Variants in GARRE1 observed in about 807,000 individuals in gnomAD.
GARRE1 encodes granule associated Rac and RHOG effector 1, also known as granule associated Rac and RHOG effector protein 1.
Under a neutral mutation model 103.2 loss-of-function variants are expected in GARRE1, and 49 were observed. The observed-to-expected ratio is 0.47, with a 90% CI of 0.38 to 0.60. GARRE1 has a LOEUF of 0.60. Ranked by LOEUF, GARRE1 falls within the 20% of genes least tolerant of loss-of-function variation. GARRE1 has a pLI of 0.00. For missense variants in GARRE1, 1,199 were observed against 1,370.5 expected (o/e 0.87, Z 1.98); for synonymous variants, 505 against 532.8 (o/e 0.95, Z 0.72).
At chr19:34,339,335 ATTATAT>A (rs1467890602) in intron 8 of GARRE1, among the ~76,000 whole-genome samples, 1 of 152,220 alleles carries the variant, frequency 6.6e-6, no homozygotes, top group East Asian at 1.9e-4. Flanking sequence ...AAAACATTTA[ATTATAT>A]TTAAGGTTTA....
At chr19:34,293,739 C>CACAT (rs1386164279) in intron 1 of GARRE1, among the ~76,000 whole-genome samples, 1 of 134,992 alleles carries the variant, frequency 7.4e-6, no homozygotes, top group Non-Finnish European at 1.6e-5. Flanking sequence ...CACACACACA[C>CACAT]ACACATATTT....
At chr19:34,346,807 G>A (rs565483041) in intron 10 of GARRE1, among the ~76,000 whole-genome samples, 39 of 152,170 alleles carry the variant, frequency 2.6e-4, no homozygotes, top group Non-Finnish European at 4.4e-4. Flanking sequence ...TAGTAGAGAC[G>A]GGGTTTCACC....
chr19:34,262,287 CTTT>C (rs1018456778), intron 1 of GARRE1, among the ~76,000 whole-genome samples: 22 of 35,752 alleles, frequency 6.2e-4, no homozygotes, highest in Middle Eastern at 0.045. Context: ...CCAGCTGCTG[CTTT>C]TTTTTTTTTT....
intron 1 of GARRE1, among the ~76,000 whole-genome samples, chr19:34,263,826 T>C (rs1403546871): frequency 6.6e-6 from 1 of 152,188 alleles, no homozygotes; most frequent in Non-Finnish European, 1.5e-5. Context: ...AATAAATGTC[T>C]ATGATGGACA....
intron 13 of GARRE1, among the ~76,000 whole-genome samples, 175 bp from the exon 14 acceptor site, chr19:34,352,472 C>T (rs1289260505): frequency 2.6e-5 from 4 of 151,546 alleles, no homozygotes; most frequent in Admixed American, 6.6e-5. Flanking sequence ...CATACTAGAC[C>T]GTATAGGCAC....
intron 1 of GARRE1, among the ~76,000 whole-genome samples, chr19:34,278,974 T>G (rs1223697848): frequency 6.6e-6 from 1 of 152,152 alleles, no homozygotes; most frequent in Non-Finnish European, 1.5e-5. Context: ...CAGCCTTTCT[T>G]CCTTTTTAAT....
intron 1 of GARRE1, among the ~76,000 whole-genome samples, chr19:34,259,710 A>G (rs2073703229): frequency 6.6e-6 from 1 of 152,010 alleles, no homozygotes; most frequent in South Asian, 2.1e-4. Flanking sequence ...ATGAGGGGAC[A>G]TGAGGAGCCA....
intron 8 of GARRE1, among the ~76,000 whole-genome samples, chr19:34,338,666 A>G (rs550971227): frequency 1.2e-4 from 19 of 152,324 alleles, no homozygotes; most frequent in Admixed American, 2.6e-4. Context: ...AGCAAGAGCA[A>G]AGGTCCTGAG....
At chr19:34,264,118 C>G (rs1887571237) in intron 1 of GARRE1, among the ~76,000 whole-genome samples, 1 of 152,192 alleles carries the variant, frequency 6.6e-6, no homozygotes, top group African/African-American at 2.4e-5. Flanking sequence ...GCCTCTGTCT[C>G]TGATGCTCCC....
intron 3 of GARRE1, among the ~76,000 whole-genome samples, chr19:34,325,474 C>G (rs1002697146): frequency 1.3e-5 from 2 of 152,152 alleles, no homozygotes; most frequent in African/African-American, 2.4e-5. Context: ...ACTTGAGAAA[C>G]CTGAGATTTA....
chr19:34,327,184 T>A (rs1279206494), intron 3 of GARRE1, among the ~76,000 whole-genome samples: 1 of 140,630 alleles, frequency 7.1e-6, no homozygotes, highest in African/African-American at 2.7e-5. Flanking sequence ...TAAAATAAAA[T>A]AATAAAATAA....
intron 2 of GARRE1, among the ~76,000 whole-genome samples, chr19:34,316,088 A>G (rs1238095730): frequency 6.6e-6 from 1 of 152,174 alleles, no homozygotes; most frequent in African/African-American, 2.4e-5. Flanking sequence ...TTCGGAGTCA[A>G]ACAGACCTGG....
At position 34,352,848 on chromosome 19, in the gene GARRE1, A is replaced by ACGCCCCCCCC; in HGVS notation, c.3107_3108insGCCCCCCCCC (p.Gln1039ProfsTer26). The ACGCCCCCCCC allele has an allele frequency of 7.5e-6, 12 of 1,591,588 alleles. No individual in the cohort carries two copies. The highest frequency in any genetic ancestry group is 9.4e-6 in the Non-Finnish European group (11 of 1,166,582). On this transcript the variant is annotated frameshift_variant, in exon 14 of 14. Transcript: ENST00000299505. LOFTEE classifies it high-confidence loss of function. ...TGCCGCTGCCTTCTCCTATGTGCAG[A>ACGCCCCCCCC]CCCCACCCCAGCCCCCACCCCCACC...
At chr19:34,320,274 G>A (rs2074080296) in intron 3 of GARRE1, among the ~76,000 whole-genome samples, 158 bp downstream of exon 3, 1 of 152,268 alleles carries the variant, frequency 6.6e-6, no homozygotes, top group African/African-American at 2.4e-5. Flanking sequence ...GAACATCTTT[G>A]TGAATGCCCA....
At chr19:34,278,399 G>A (rs893867084) in intron 1 of GARRE1, among the ~76,000 whole-genome samples, 4 of 133,876 alleles carry the variant, frequency 3.0e-5, no homozygotes, top group East Asian at 2.2e-4. Context: ...AACCGAAATT[G>A]TGCCACTAGT....
At chr19:34,283,120 C>T (rs2145223914) in intron 1 of GARRE1, among the ~76,000 whole-genome samples, 2 of 152,326 alleles carry the variant, frequency 1.3e-5, no homozygotes, top group East Asian at 3.9e-4. Context: ...CCATTTCTGA[C>T]AGTAGGACTG....
intron 1 of GARRE1, chr19:34,285,288 C>G (rs2073879607): frequency 6.6e-6 from 1 of 152,100 alleles, no homozygotes; most frequent in Non-Finnish European, 1.5e-5. Flanking sequence ...GTATTACCAC[C>G]TTCTCTGTAC....
Position 34,342,274 on chromosome 19 carries a change from C to T in GARRE1, c.2340C>T (p.Gly780=). The change falls in exon 10 of 14, where the codon GGC becomes GGT. Residue 780 remains glycine (G), a synonymous_variant. Transcript: ENST00000299505. ...AGLSPLGQWP[G]ISDLSSDLYS... ...TGTCTCCTCTTGGTCAGTGGCCTGG[C>T]ATATCTGATCTCAGTTCTGACTTGT... 3 of 1,614,208 alleles carry T rather than the reference C, an allele frequency of 1.9e-6. No individual in the cohort carries two copies. The highest frequency in any genetic ancestry group is 1.3e-5 in the African/African-American group (1 of 75,054).
rs1568307403 is a variant in GARRE1, at chr19:34,327,548, A to AC, written c.834dup (p.Ser279GlnfsTer7). 3.1e-6 allele frequency: 5 copies of AC among 1,613,936 alleles called. No individual in the cohort carries two copies. Among genetic ancestry groups the AC allele is most frequent in the Non-Finnish European group, 2.5e-6 (3 of 1,179,986 alleles). ...CTAAAAGAACTGAACATAAAAATCGACAGTGCTTTGCAAGTAAGTTTTTCA... is the reference window on the plus strand; with the variant it reads ...CTAAAAGAACTGAACATAAAAATCGACCAGTGCTTTGCAAGTAAGTTTTTCA... On this transcript the variant is annotated frameshift_variant, in exon 4 of 14. Coordinates refer to ENST00000299505, the MANE Select transcript of GARRE1 (RefSeq NM_014686.5). LOFTEE classifies it high-confidence loss of function.
Sources: gnomAD v4.1 joint callset for allele counts (sites outside exome capture counted in the v4.1 genomes callset) on GRCh38, gnomAD v4.1.1 for gene constraint, MANE v1.5 for transcripts, NCBI Gene and HGNC (gene_info 2026-07-23, HGNC 2026-07-21) for gene names.